Variants in ANXA8 observed in about 807,000 individuals in gnomAD.
The protein encoded by ANXA8 is annexin A8, also known as VAC-beta.
A neutral mutation model predicts 26.8 loss-of-function variants in ANXA8; 9 were observed. The ratio of observed to expected loss-of-function variants is 0.34; its 90% CI spans 0.20 to 0.59. The LOEUF (loss-of-function observed/expected upper bound fraction) is 0.59, where lower values mean the gene tolerates loss of function less well. Among genes scored for constraint, ANXA8 ranks in the 20% least tolerant of loss-of-function variants. ANXA8 has a pLI of 0.84. For synonymous variants in ANXA8, 39 were observed against 94.8 expected, an observed-to-expected ratio of 0.41 and a Z score of 3.42; for missense variants, 83 against 238.5, an observed-to-expected ratio of 0.35 and a Z score of 4.29.
the ANXA8 span, among the ~76,000 whole-genome samples, chr10:47,586,842 C>G: frequency 6.8e-6 from 1 of 146,348 alleles, no homozygotes; most frequent in South Asian, 2.1e-4. Context: ...AGAAGAGCCC[C>G]CATCTCCTAG....
chr10:47,484,267 T>A, upstream of ANXA8: 1 of 676,634 alleles, frequency 1.5e-6, no homozygotes, highest in South Asian at 1.6e-5. Flanking sequence ...AAAGCCCCAC[T>A]CAGTAAACAC....
chr10:47,749,594 A>T, the ANXA8 span, among the ~76,000 whole-genome samples: 1 of 150,324 alleles, frequency 6.7e-6, no homozygotes, highest in Non-Finnish European at 1.5e-5. Flanking sequence ...ATTAGATTAT[A>T]ATAATGTACA....
chr10:47,744,952 G>A, the ANXA8 span, among the ~76,000 whole-genome samples: 1 of 151,896 alleles, frequency 6.6e-6, no homozygotes, highest in Non-Finnish European at 1.5e-5. Flanking sequence ...CCATGTAGGA[G>A]TCTAAACTTT....
the ANXA8 span, among the ~76,000 whole-genome samples, chr10:47,672,923 G>A: frequency 1.3e-5 from 2 of 151,488 alleles, no homozygotes; most frequent in South Asian, 4.1e-4. Flanking sequence ...GAGGATACAA[G>A]GGAGCCTAAA....
chr10:47,489,034 T>C (rs1486719934), upstream of ANXA8, among the ~76,000 whole-genome samples: 695 of 145,804 alleles, frequency 4.8e-3, 22 homozygotes, highest in African/African-American at 0.017. Flanking sequence ...TTCTTTTTTT[T>C]TGAGACCGAG....
At chr10:47,742,990 TAAAAAAA>T in the ANXA8 span, among the ~76,000 whole-genome samples, 6 of 91,524 alleles carry the variant, frequency 6.6e-5, no homozygotes, top group Non-Finnish European at 8.7e-5. Flanking sequence ...CCGTCTCTAC[TAAAAAAA>T]AAAAAAAAAA....
chr10:47,628,276 A>T, the ANXA8 span, among the ~76,000 whole-genome samples: 2 of 152,250 alleles, frequency 1.3e-5, no homozygotes, highest in African/African-American at 4.8e-5. Flanking sequence ...AGACTTAATC[A>T]TATACGTACC....
At chr10:47,901,054 A>G in the ANXA8 span, among the ~76,000 whole-genome samples, 3 of 142,146 alleles carry the variant, frequency 2.1e-5, no homozygotes, top group Admixed American at 2.1e-4. Flanking sequence ...TAGCAGAGGT[A>G]GAACTGGCGG....
chr10:47,570,603 G>A, the ANXA8 span, among the ~76,000 whole-genome samples: 3 of 149,920 alleles, frequency 2.0e-5, no homozygotes, highest in African/African-American at 7.5e-5. Flanking sequence ...GCAATATAGC[G>A]AGACCCCGTC....
the ANXA8 span, among the ~76,000 whole-genome samples, chr10:47,558,761 C>T: frequency 3.3e-5 from 5 of 151,968 alleles, no homozygotes; most frequent in East Asian, 1.9e-4. Flanking sequence ...CCTTCCTCCC[C>T]CTAGTTTCTG....
chr10:47,945,890 G>A, the ANXA8 span, among the ~76,000 whole-genome samples: 1 of 126,648 alleles, frequency 7.9e-6, no homozygotes. Flanking sequence ...TGTCCTCCTG[G>A]AATGGGTAGC....
the ANXA8 span, among the ~76,000 whole-genome samples, chr10:47,497,475 T>C: frequency 7.2e-6 from 1 of 138,208 alleles, no homozygotes; most frequent in Admixed American, 7.4e-5. Flanking sequence ...CAAAATTAAC[T>C]GGGCATGGTG....
At chr10:47,599,899 G>C in the ANXA8 span, 1 of 150,218 alleles carries the variant, frequency 6.7e-6, no homozygotes, top group Non-Finnish European at 1.5e-5. Flanking sequence ...GCTTTCCTGC[G>C]GGGCCTTGGC....
the ANXA8 span, among the ~76,000 whole-genome samples, chr10:47,652,678 C>A: frequency 8.2e-5 from 11 of 134,916 alleles, no homozygotes; most frequent in East Asian, 4.3e-4. Context: ...GGTTTAGTAA[C>A]CTTTAGTTAA....
chr10:47,501,519 C>T, the ANXA8 span, among the ~76,000 whole-genome samples: 1 of 135,566 alleles, frequency 7.4e-6, no homozygotes, highest in Non-Finnish European at 1.6e-5. Flanking sequence ...ACCATCCTGG[C>T]TAACATGGTG....
chr10:47,755,555 CTTTT>C, the ANXA8 span, among the ~76,000 whole-genome samples: 14 of 82,986 alleles, frequency 1.7e-4, no homozygotes, highest in Admixed American at 1.3e-3. Context: ...GTGCCCGGCC[CTTTT>C]TTTTTTTTTT....
chr10:47,891,593 G>GAA, the ANXA8 span, among the ~76,000 whole-genome samples: 9 of 2,672 alleles, frequency 3.4e-3, no homozygotes, highest in African/African-American at 7.9e-3. Flanking sequence ...CAAATAAATA[G>GAA]AAAAAAAAAA....
At chr10:47,533,184 A>ATC in the ANXA8 span, among the ~76,000 whole-genome samples, 40 of 133,348 alleles carry the variant, frequency 3.0e-4, no homozygotes, top group African/African-American at 1.2e-3. Flanking sequence ...GTAAACACAC[A>ATC]TCACACACAC....
At chr10:47,596,629 GA>G in the ANXA8 span, among the ~76,000 whole-genome samples, 1 of 143,066 alleles carries the variant, frequency 7.0e-6, no homozygotes, top group African/African-American at 2.8e-5. Context: ...AAGATTCTCA[GA>G]GACTACTATG....
Sources: gnomAD v4.1 joint callset for allele counts (sites outside exome capture counted in the v4.1 genomes callset) on GRCh38, gnomAD v4.1.1 for gene constraint, MANE v1.5 for transcripts, NCBI Gene and HGNC (gene_info 2026-07-23, HGNC 2026-07-21) for gene names.